The following FRMD4A variants were observed in gnomAD, a reference collection of about 807,000 sequenced individuals.
FRMD4A encodes the protein FERM domain-containing protein 4A.
A neutral mutation model predicts 129.1 loss-of-function variants in FRMD4A; 29 were observed. That is an observed-to-expected ratio of 0.22 (90% CI 0.17 to 0.31). FRMD4A has a LOEUF of 0.31. Ranked by LOEUF, FRMD4A falls within the 10% of genes least tolerant of loss-of-function variation. The probability of loss-of-function intolerance (pLI) is 1.00; values close to 1 mark genes in which losing one functional copy is unlikely to be tolerated. For synonymous variants in FRMD4A, 634 were observed against 571.6 expected (o/e 1.11, Z -1.56); for missense variants, 1,272 against 1,375.8 (o/e 0.92, Z 1.19).
intron 2 of FRMD4A, among the ~76,000 whole-genome samples, chr10:14,112,207 G>A (rs1837946596): frequency 6.6e-6 from 1 of 152,288 alleles, no homozygotes; most frequent in South Asian, 2.1e-4. Flanking sequence ...ATGTGGCCCA[G>A]CTGGGGAGGG....
chr10:13,789,674 CA>C (rs1183749943), intron 5 of FRMD4A, among the ~76,000 whole-genome samples: 3 of 150,906 alleles, frequency 2.0e-5, no homozygotes, highest in Admixed American at 1.3e-4. Flanking sequence ...TGAACAATAT[CA>C]GAGAGACATT....
intron 12 of FRMD4A, among the ~76,000 whole-genome samples, chr10:13,737,241 C>T (rs1477605659): frequency 6.6e-6 from 1 of 152,186 alleles, no homozygotes; most frequent in East Asian, 1.9e-4. Context: ...AGGCATGCAC[C>T]ACCATGCCCA....
chr10:14,160,447 T>C (rs138898878), intron 2 of FRMD4A, among the ~76,000 whole-genome samples: 22 of 152,188 alleles, frequency 1.4e-4, no homozygotes, highest in African/African-American at 5.3e-4. Context: ...TGGAACTACA[T>C]TAAGCTAAAA....
intron 2 of FRMD4A, among the ~76,000 whole-genome samples, chr10:14,071,290 A>C (rs1835306602): frequency 6.6e-6 from 1 of 152,232 alleles, no homozygotes; most frequent in Non-Finnish European, 1.5e-5. Flanking sequence ...AGATTAAATC[A>C]GGCTGGCATC....
Position 14,055,504 on chromosome 10 carries a change from A to G in FRMD4A, c.46-196592T>C, listed in dbSNP as rs144427164. ...ACACACACACACACACACACTCAAG[A>G]CCTAAGACAGTGAATTGCACATAGC... On this transcript the variant is annotated intron_variant, in intron 2 of 24. Transcript: ENST00000357447. 8.1e-4 allele frequency among the ~76,000 whole-genome samples: 121 copies of G among 149,462 alleles called. 1 individual carries two copies. Among genetic ancestry groups the G allele is most frequent in the Admixed American group, 7.6e-3 (114 of 15,070 alleles).
intron 17 of FRMD4A, among the ~76,000 whole-genome samples, chr10:13,669,957 GCGGTGGA>G (rs2134710619): frequency 6.6e-6 from 1 of 152,308 alleles, no homozygotes; most frequent in Admixed American, 6.5e-5. Flanking sequence ...TGACCACGGG[GCGGTGGA>G]CCCTACTGGT....
chr10:13,810,984 C>CAACAGCTTGGGCTGCAAGAAGA, intron 3 of FRMD4A, 76 bp from the exon 4 acceptor site: 1 of 724,644 alleles, frequency 1.4e-6, no homozygotes, highest in Non-Finnish European at 2.4e-6. Flanking sequence ...CTCAGGTTTC[C>CAACAGCTTGGGCTGCAAGAAGA]ATAATTTTTT....
At chr10:13,914,285 G>C (rs2094975796) in intron 2 of FRMD4A, among the ~76,000 whole-genome samples, 1 of 152,018 alleles carries the variant, frequency 6.6e-6, no homozygotes. Context: ...ACTTCTAATG[G>C]GTAAAATAAC....
At chr10:13,953,069 A>T (rs2095384659) in intron 2 of FRMD4A, among the ~76,000 whole-genome samples, 1 of 152,102 alleles carries the variant, frequency 6.6e-6, no homozygotes. Flanking sequence ...CTATTACCTT[A>T]CACCAGCTGA....
intron 2 of FRMD4A, among the ~76,000 whole-genome samples, chr10:14,245,628 G>T (rs1211420348): frequency 2.6e-5 from 4 of 152,190 alleles, no homozygotes; most frequent in Non-Finnish European, 4.4e-5. Context: ...GGTAATTAGG[G>T]TGGCCCTAAT....
chr10:14,169,930 T>C (rs1416098915), intron 2 of FRMD4A, among the ~76,000 whole-genome samples: 1 of 152,216 alleles, frequency 6.6e-6, no homozygotes, highest in African/African-American at 2.4e-5. Flanking sequence ...TAGTGATTTC[T>C]GGTTCACAGA....
chr10:14,008,432 G>A, intron 2 of FRMD4A: 2 of 1,010,692 alleles, frequency 2.0e-6, no homozygotes, highest in Non-Finnish European at 2.4e-6. Context: ...CTGTCCCTCT[G>A]CACAGCTGGC....
intron 2 of FRMD4A, among the ~76,000 whole-genome samples, chr10:13,909,963 G>A (rs1378687190): frequency 1.3e-5 from 2 of 152,152 alleles, no homozygotes; most frequent in African/African-American, 4.8e-5. Context: ...GTAATTAAAG[G>A]ATACAAAAAC....
intron 14 of FRMD4A, among the ~76,000 whole-genome samples, chr10:13,700,820 C>CTTT (rs71503097): frequency 0.12 from 5,244 of 44,572 alleles, 783 homozygotes; most frequent in Non-Finnish European, 0.14. Context: ...AGGGTAGTTG[C>CTTT]TTTTTTTTTT....
At position 14,008,465 on chromosome 10, in the gene FRMD4A, C is replaced by T. The variant is rs977852414; in HGVS notation, c.46-149553G>A. On this transcript the variant is annotated intron_variant, in intron 2 of 24. Coordinates refer to ENST00000357447, the MANE Select transcript of FRMD4A (RefSeq NM_018027.5). ...GGCTCAGCGAGACTGCCGTGTCCCGCTTGTGGGCAAGTGACGCGTCTGGGG... is the reference window on the plus strand; with the variant it reads ...GGCTCAGCGAGACTGCCGTGTCCCGTTTGTGGGCAAGTGACGCGTCTGGGG... 5 of 997,224 alleles carry T rather than the reference C, an allele frequency of 5.0e-6. No homozygotes were observed. The African/African-American group carries it at 8.7e-5, about 17-fold the overall frequency. The allele number at this position is 997,224 out of a possible 1,614,324, so 61.8% of individuals were successfully genotyped here. A position where few individuals can be genotyped will look rare whatever the true frequency, so the allele number is the denominator to read the frequency against.
chr10:14,202,881 T>G (rs1324540314), intron 2 of FRMD4A, among the ~76,000 whole-genome samples: 1 of 152,136 alleles, frequency 6.6e-6, no homozygotes, highest in Non-Finnish European at 1.5e-5. Flanking sequence ...CAAGTGATCC[T>G]CCCACTTCAG....
chr10:13,911,415 C>T (rs899657111), intron 2 of FRMD4A, among the ~76,000 whole-genome samples: 6 of 152,110 alleles, frequency 3.9e-5, no homozygotes, highest in Admixed American at 1.3e-4. Context: ...TTCACTAAAA[C>T]GGTTTTAGAT....
At chr10:14,056,684 T>G (rs1834548785) in intron 2 of FRMD4A, among the ~76,000 whole-genome samples, 1 of 152,182 alleles carries the variant, frequency 6.6e-6, no homozygotes, top group Non-Finnish European at 1.5e-5. Context: ...GCTACTGGCT[T>G]TCTAAACTGC....
At chr10:14,004,931 C>T (rs1445429214) in intron 2 of FRMD4A, among the ~76,000 whole-genome samples, 1 of 152,150 alleles carries the variant, frequency 6.6e-6, no homozygotes, top group Non-Finnish European at 1.5e-5. Context: ...CTGTATTATA[C>T]TGACTTCTAA....
Sources: gnomAD v4.1 joint callset for allele counts (sites outside exome capture counted in the v4.1 genomes callset) on GRCh38, gnomAD v4.1.1 for gene constraint, MANE v1.5 for transcripts, NCBI Gene and HGNC (gene_info 2026-07-23, HGNC 2026-07-21) for gene names.